IGSF11: variants seen among roughly 807,000 people sequenced by gnomAD.
IGSF11 encodes immunoglobulin superfamily member 11.
Under a neutral mutation model 41.0 loss-of-function variants are expected in IGSF11, and 22 were observed. That is an observed-to-expected ratio of 0.54 (90% confidence interval 0.38 to 0.77). The LOEUF is 0.77. IGSF11 is among the 30% of genes least tolerant of loss of function. The pLI, the probability that IGSF11 is intolerant of heterozygous loss-of-function variation, is 0.00. For synonymous variants in IGSF11, 219 were observed against 201.3 expected (o/e 1.09, Z -0.74); for missense variants, 444 against 530.8 (o/e 0.84, Z 1.61).
chr3:118,950,782 C>T (rs567689703), intron 1 of IGSF11, among the ~76,000 whole-genome samples: 1 of 152,228 alleles, frequency 6.6e-6, no homozygotes, highest in East Asian at 1.9e-4. Flanking sequence ...GAATTTTCTC[C>T]TCAACCTGGA....
chr3:119,070,182 A>G (rs1166241270), intron 1 of IGSF11, among the ~76,000 whole-genome samples: 1 of 152,178 alleles, frequency 6.6e-6, no homozygotes, highest in African/African-American at 2.4e-5. Flanking sequence ...TAGATTATGT[A>G]ATTTTTAACC....
intron 1 of IGSF11, among the ~76,000 whole-genome samples, chr3:119,111,999 C>T (rs1426374293): frequency 1.3e-5 from 2 of 152,252 alleles, no homozygotes; most frequent in East Asian, 3.9e-4. Flanking sequence ...CAGTCTGCCC[C>T]CACTGGGTGG....
Position 119,047,246 on chromosome 3 carries a change from A to T in IGSF11, c.49+57898T>A, listed in dbSNP as rs565321696. On this transcript the variant is annotated intron_variant, in intron 1 of 6. Transcript: ENST00000354673. Reference sequence around the variant, plus strand: ...GACCCATCAGTGTGCTGTATTCAGGAAACCCATCTCATGTGCAGAGACACA... The same window carrying T: ...GACCCATCAGTGTGCTGTATTCAGGTAACCCATCTCATGTGCAGAGACACA... Among the ~76,000 whole-genome samples the T allele has an allele frequency of 4.2e-3, 636 of 152,112 alleles. 4 individuals are homozygous for T. The highest frequency in any genetic ancestry group is 0.015 in the African/African-American group (608 of 41,458).
At chr3:119,092,005 G>A (rs1254968510) in intron 1 of IGSF11, among the ~76,000 whole-genome samples, 1 of 116,408 alleles carries the variant, frequency 8.6e-6, no homozygotes, top group South Asian at 2.9e-4. Flanking sequence ...GGGGGGGGGG[G>A]TTGGTGGTTT....
At chr3:118,930,487 T>A (rs1424937200) in intron 1 of IGSF11, among the ~76,000 whole-genome samples, 2 of 152,222 alleles carry the variant, frequency 1.3e-5, no homozygotes, top group Non-Finnish European at 2.9e-5. Context: ...TAGAAAAATA[T>A]TAGAAGCTCT....
intron 1 of IGSF11, among the ~76,000 whole-genome samples, chr3:118,976,409 T>C (rs1934106471): frequency 6.6e-6 from 1 of 152,206 alleles, no homozygotes; most frequent in Non-Finnish European, 1.5e-5. Context: ...TAGCACCTTG[T>C]ACATAGGAAA....
At chr3:118,923,900 T>G (rs1576379157) in intron 4 of IGSF11, among the ~76,000 whole-genome samples, 1 of 152,210 alleles carries the variant, frequency 6.6e-6, no homozygotes, top group South Asian at 2.1e-4. Flanking sequence ...CTTTGATCAC[T>G]TGGTTAAAGT....
chr3:119,009,059 TACACACACACATAC>T (rs1937762969), intron 1 of IGSF11, among the ~76,000 whole-genome samples: 1 of 151,962 alleles, frequency 6.6e-6, no homozygotes, highest in South Asian at 2.1e-4. Flanking sequence ...TATACATACA[TACACACACACATAC>T]ACACACACAA....
chr3:119,114,866 A>G (rs548689183), intron 1 of IGSF11, among the ~76,000 whole-genome samples: 1 of 152,348 alleles, frequency 6.6e-6, no homozygotes, highest in African/African-American at 2.4e-5. Context: ...TAATTGCCTC[A>G]CAGTTCCATA....
intron 1 of IGSF11, among the ~76,000 whole-genome samples, chr3:119,059,754 T>C (rs573648553): frequency 6.6e-6 from 1 of 152,118 alleles, no homozygotes; most frequent in East Asian, 1.9e-4. Context: ...CAGTGGAAAG[T>C]AGAGTCCACC....
chr3:119,057,075 C>A lies in IGSF11; in HGVS notation c.49+48069G>T, dbSNP rs1228106063. On this transcript the variant is annotated intron_variant, in intron 1 of 6. Transcript: ENST00000354673. Reference sequence around the variant, plus strand: ...TGAAAACTGGCACAAGACAGGGAGGCCCTCTCTCACCACTCCTATTCAACA... The same window carrying A: ...TGAAAACTGGCACAAGACAGGGAGGACCTCTCTCACCACTCCTATTCAACA... Among the ~76,000 whole-genome samples, 5 of 152,106 alleles carry A rather than the reference C, an allele frequency of 3.3e-5. No individual in the cohort carries two copies. The East Asian group carries it at 5.8e-4, about 18-fold the overall frequency.
At chr3:119,140,623 A>AACT (rs79831130) in intron 1 of IGSF11, among the ~76,000 whole-genome samples, 1 of 152,038 alleles carries the variant, frequency 6.6e-6, no homozygotes. Flanking sequence ...ACTAGACCTA[A>AACT]CAGACTTCTA....
intron 1 of IGSF11, among the ~76,000 whole-genome samples, chr3:118,934,299 C>T (rs1471127491): frequency 6.6e-6 from 1 of 152,152 alleles, no homozygotes; most frequent in Non-Finnish European, 1.5e-5. Context: ...AAACATCTGA[C>T]AGAGATGACC....
At chr3:118,975,571 T>C (rs1041002978) in intron 1 of IGSF11, among the ~76,000 whole-genome samples, 1 of 152,204 alleles carries the variant, frequency 6.6e-6, no homozygotes, top group Admixed American at 6.5e-5. Context: ...TCAACTCTTA[T>C]GTTCACTGCA....
Position 118,901,949 on chromosome 3 carries a change from T to C in IGSF11, c.*571A>G, listed in dbSNP as rs1938916082. Reference sequence around the variant, plus strand: ...AGGGGCTTCTCAAAGACGTTTCCTTTGTCTTCCCCCATTTCTTACTGAATT... The same window carrying C: ...AGGGGCTTCTCAAAGACGTTTCCTTCGTCTTCCCCCATTTCTTACTGAATT... On this transcript the variant is annotated 3_prime_UTR_variant, in exon 7 of 7. Coordinates refer to ENST00000393775, the MANE Select transcript of IGSF11 (RefSeq NM_001015887.3). 6.6e-6 allele frequency: 1 copy of C among 152,278 alleles called. No homozygotes were observed. The highest frequency in any genetic ancestry group is 1.5e-5 in the Non-Finnish European group (1 of 68,110). 9.4% of individuals were successfully genotyped at this position (152,278 alleles called of 1,614,324 possible). A position where few individuals can be genotyped will look rare whatever the true frequency, so the allele number is the denominator to read the frequency against.
chr3:118,909,145 T>C (rs778038899), intron 4 of IGSF11, among the ~76,000 whole-genome samples: 2 of 152,214 alleles, frequency 1.3e-5, no homozygotes, highest in African/African-American at 2.4e-5. Flanking sequence ...TCCCAATGGA[T>C]ATTAATTCCC....
At chr3:119,120,746 A>T (rs1431374950) in intron 1 of IGSF11, among the ~76,000 whole-genome samples, 1 of 152,158 alleles carries the variant, frequency 6.6e-6, no homozygotes, top group Non-Finnish European at 1.5e-5. Context: ...CACCAGCACA[A>T]ATGGTGACAA....
intron 1 of IGSF11, among the ~76,000 whole-genome samples, chr3:118,953,325 A>T (rs961628921): frequency 1.3e-5 from 2 of 152,060 alleles, no homozygotes; most frequent in African/African-American, 2.4e-5. Context: ...GGTTCCATAT[A>T]TTTGCAATTA....
intron 2 of IGSF11, among the ~76,000 whole-genome samples, 188 bp from the exon 3 acceptor site, chr3:118,928,904 A>T (rs538359980): frequency 6.6e-6 from 1 of 152,234 alleles, no homozygotes; most frequent in Admixed American, 6.5e-5. Context: ...TTAAATTCTC[A>T]CATAACAAAT....
Sources: gnomAD v4.1 joint callset for allele counts (sites outside exome capture counted in the v4.1 genomes callset) on GRCh38, gnomAD v4.1.1 for gene constraint, MANE v1.5 for transcripts, NCBI Gene and HGNC (gene_info 2026-07-23, HGNC 2026-07-21) for gene names.